The following SYT1 variants were observed in gnomAD, a reference collection of about 807,000 sequenced individuals.
The protein encoded by SYT1 is synaptotagmin 1, also known as synaptotagmin-1.
SYT1 carries 8 observed loss-of-function variants against 44.8 expected under a neutral mutation model. The ratio of observed to expected loss-of-function variants is 0.18; its 90% CI spans 0.10 to 0.32. The LOEUF (loss-of-function observed/expected upper bound fraction) is 0.32. Ranked by LOEUF, SYT1 falls within the 10% of genes least tolerant of loss-of-function variation. SYT1 has a pLI of 1.00. For synonymous variants in SYT1, 154 were observed against 188.8 expected (o/e 0.82, Z 1.51); for missense variants, 286 against 509.3 (o/e 0.56, Z 4.22).
At chr12:78,914,752 T>C (rs1466428497) in intron 1 of SYT1, among the ~76,000 whole-genome samples, 1 of 152,078 alleles carries the variant, frequency 6.6e-6, no homozygotes, top group Non-Finnish European at 1.5e-5. Flanking sequence ...TTTTTCTTCT[T>C]ATAAAATCTC....
intron 3 of SYT1, among the ~76,000 whole-genome samples, chr12:79,061,099 T>C (rs1245647326): frequency 6.6e-6 from 1 of 152,126 alleles, no homozygotes; most frequent in Non-Finnish European, 1.5e-5. Context: ...GCATTGATTC[T>C]AAATAAGAAT....
chr12:79,175,262 T>C (rs1251447410), intron 3 of SYT1, among the ~76,000 whole-genome samples: 1 of 152,094 alleles, frequency 6.6e-6, no homozygotes, highest in Non-Finnish European at 1.5e-5. Flanking sequence ...CAGAGGAAAG[T>C]AATGGACATT....
chr12:79,251,735 A>C (rs1435006685), intron 4 of SYT1, among the ~76,000 whole-genome samples: 1 of 152,166 alleles, frequency 6.6e-6, no homozygotes, highest in Non-Finnish European at 1.5e-5. Context: ...AGTGAGTAGA[A>C]CTCAGGCTGT....
intron 8 of SYT1, among the ~76,000 whole-genome samples, chr12:79,337,715 A>C (rs1394314977): frequency 6.6e-6 from 1 of 152,206 alleles, no homozygotes; most frequent in Non-Finnish European, 1.5e-5. Flanking sequence ...TTTTTCATGA[A>C]CGCTCCAGGA....
intron 1 of SYT1, among the ~76,000 whole-genome samples, chr12:78,866,741 C>CT (rs1182208226): frequency 6.6e-6 from 1 of 152,068 alleles, no homozygotes; most frequent in East Asian, 1.9e-4. Flanking sequence ...CAAAACACTT[C>CT]TTTTTATTTA....
intron 3 of SYT1, among the ~76,000 whole-genome samples, chr12:79,212,069 G>T (rs1592857155): frequency 6.6e-6 from 1 of 152,050 alleles, no homozygotes; most frequent in African/African-American, 2.4e-5. Context: ...TTTGAAAATT[G>T]TTTGTGCTGC....
chr12:79,072,450 C>T (rs570206602), intron 3 of SYT1, among the ~76,000 whole-genome samples: 60 of 152,040 alleles, frequency 3.9e-4, no homozygotes, highest in African/African-American at 1.1e-3. Context: ...AGCATAAATA[C>T]GTACATAAGA....
At chr12:78,963,123 GTAT>G (rs1020278454) in intron 1 of SYT1, among the ~76,000 whole-genome samples, 4 of 151,778 alleles carry the variant, frequency 2.6e-5, no homozygotes, top group African/African-American at 9.7e-5. Context: ...TCATGTCGCT[GTAT>G]ATTATAGGAA....
chr12:78,957,249 G>A (rs1879260787), intron 1 of SYT1, among the ~76,000 whole-genome samples: 1 of 152,162 alleles, frequency 6.6e-6, no homozygotes, highest in Admixed American at 6.6e-5. Flanking sequence ...CAGGAGGACA[G>A]CTTGAGTCCA....
At chr12:79,141,759 T>A (rs1303201301) in intron 3 of SYT1, among the ~76,000 whole-genome samples, 1 of 152,244 alleles carries the variant, frequency 6.6e-6, no homozygotes, top group Non-Finnish European at 1.5e-5. Flanking sequence ...GAGCCTTGTG[T>A]ATGATATTCA....
At chr12:79,300,600 A>G (rs1016064381) in intron 8 of SYT1, among the ~76,000 whole-genome samples, 1 of 151,944 alleles carries the variant, frequency 6.6e-6, no homozygotes, top group East Asian at 1.9e-4. Flanking sequence ...GAACAGGCCT[A>G]TTAATTCCCA....
chr12:79,278,667 A>G (rs184983693), intron 4 of SYT1, among the ~76,000 whole-genome samples: 2 of 152,168 alleles, frequency 1.3e-5, no homozygotes, highest in Admixed American at 1.3e-4. Flanking sequence ...TAAAGAGCAG[A>G]ACTAAATGAA....
At position 79,124,711 on chromosome 12, in the gene SYT1, A is replaced by T. The variant is rs574746655; in HGVS notation, c.-18+77349A>T. Among the ~76,000 whole-genome samples, 14 of 152,074 alleles carry T rather than the reference A, an allele frequency of 9.2e-5. No homozygotes were observed. The South Asian group carries it at 2.9e-3, about 32-fold the overall frequency. On this transcript the variant is annotated intron_variant, in intron 3 of 10. Coordinates refer to ENST00000261205, the MANE Select transcript of SYT1 (RefSeq NM_005639.3). ...TGGTAGGAAATGAGTAGAAAATAAG[A>T]CTCTTCCATGTGGTAGTTGTGTGTA...
chr12:79,332,592 A>G (rs1881903339), intron 8 of SYT1, among the ~76,000 whole-genome samples: 1 of 152,226 alleles, frequency 6.6e-6, no homozygotes, highest in Non-Finnish European at 1.5e-5. Context: ...AATAAAAGTC[A>G]GTAACTCCGA....
intron 4 of SYT1, among the ~76,000 whole-genome samples, chr12:79,241,784 A>G (rs1175908688): frequency 6.6e-6 from 1 of 152,216 alleles, no homozygotes; most frequent in Non-Finnish European, 1.5e-5. Flanking sequence ...CTTGGTACCT[A>G]TCTGCAAATG....
chr12:79,169,325 T>C (rs951229772), intron 3 of SYT1, among the ~76,000 whole-genome samples: 8 of 151,246 alleles, frequency 5.3e-5, no homozygotes, highest in Non-Finnish European at 1.0e-4. Context: ...AAAACTCTTA[T>C]AAAATATATA....
At chr12:78,915,287 C>T (rs1448297886) in intron 1 of SYT1, among the ~76,000 whole-genome samples, 1 of 151,900 alleles carries the variant, frequency 6.6e-6, no homozygotes, top group Non-Finnish European at 1.5e-5. Flanking sequence ...ATTTCCAGGC[C>T]CCTCCTCAGG....
At chr12:79,376,424 C>G (rs917926494) in intron 9 of SYT1, among the ~76,000 whole-genome samples, 2 of 152,142 alleles carry the variant, frequency 1.3e-5, no homozygotes, top group African/African-American at 4.8e-5. Context: ...TGTAAACTGT[C>G]ATGGTACTGG....
At chr12:78,962,455 A>T (rs1380863086) in intron 1 of SYT1, among the ~76,000 whole-genome samples, 5 of 151,544 alleles carry the variant, frequency 3.3e-5, no homozygotes, top group Admixed American at 3.3e-4. Context: ...AATATTGGAC[A>T]TCAGTACTAG....
Sources: allele counts gnomAD v4.1 joint callset (sites outside exome capture counted in the v4.1 genomes callset), GRCh38; gene constraint gnomAD v4.1.1; transcripts MANE v1.5; gene names NCBI Gene and HGNC (gene_info 2026-07-23, HGNC 2026-07-21).